The following ROR1 variants were observed in gnomAD, a reference collection of about 807,000 sequenced individuals.
ROR1 encodes the protein ROR family WNT receptor 1.
A neutral mutation model predicts 78.8 loss-of-function variants in ROR1; 19 were observed. That is an observed-to-expected ratio of 0.24 (90% CI 0.17 to 0.35). The LOEUF (loss-of-function observed/expected upper bound fraction) is 0.35, where lower values mean the gene tolerates loss of function less well. ROR1 is among the 10% of genes least tolerant of loss of function. The pLI is 1.00. For missense variants in ROR1, 917 were observed against 1,177.8 expected (o/e 0.78, Z 3.24); for synonymous variants, 386 against 433.6 (o/e 0.89, Z 1.36).
chr1:64,027,508 C>T (rs895461823), intron 2 of ROR1, among the ~76,000 whole-genome samples: 2 of 152,144 alleles, frequency 1.3e-5, no homozygotes, highest in African/African-American at 4.8e-5. Context: ...ACTTGCATCT[C>T]CCTTTTCTCA....
intron 6 of ROR1, 133 bp from the exon 7 acceptor site, chr1:64,142,272 C>A (rs1649340345): frequency 3.5e-6 from 5 of 1,412,898 alleles, no homozygotes; most frequent in Non-Finnish European, 4.7e-6. Context: ...TCCTGCATGG[C>A]CCCTGACCAG....
intron 4 of ROR1, among the ~76,000 whole-genome samples, chr1:64,055,720 A>T (rs948695243): frequency 6.6e-6 from 1 of 152,212 alleles, no homozygotes; most frequent in Non-Finnish European, 1.5e-5. Flanking sequence ...TTTTATTAAG[A>T]TACAGTTAAC....
Position 64,116,616 on chromosome 1 carries a change from G to C in ROR1, c.483-20753G>C, listed in dbSNP as rs1569796171. 2.6e-5 allele frequency among the ~76,000 whole-genome samples: 4 copies of C among 152,234 alleles called. No homozygotes were observed. In the South Asian group the frequency reaches 8.3e-4, roughly 32 times the overall value. ...TAACAAACATTCACAGATTGCCTCT[G>C]CTTGCTGGGAATTACATCCAGCAGC... is the stretch of plus-strand genomic sequence containing the variant. On this transcript the variant is annotated intron_variant, in intron 4 of 8. Transcript: ENST00000371079.
At chr1:63,919,900 G>A (rs892980921) in intron 1 of ROR1, among the ~76,000 whole-genome samples, 4 of 152,142 alleles carry the variant, frequency 2.6e-5, no homozygotes, top group African/African-American at 9.7e-5. Context: ...AGAAAATAAG[G>A]TGGTTCAACT....
rs146479238 is a variant in ROR1, at chr1:63,884,399, C to T, written c.91+109891C>T. The stretch of plus-strand genomic sequence containing the variant: ...AGTCTCTTCTCTCACTGGCCTGCCC[C>T]GGTGCCATGATCTGAGGATACCACA... On this transcript the variant is annotated intron_variant, in intron 1 of 8. Coordinates refer to ENST00000371079, the MANE Select transcript of ROR1 (RefSeq NM_005012.4). Among the ~76,000 whole-genome samples the T allele has an allele frequency of 4.1e-4, 63 of 152,226 alleles. No individual in the cohort carries two copies. The South Asian group carries it at 8.9e-3, about 22-fold the overall frequency.
At chr1:64,014,773 T>TACAC (rs1553151602) in intron 2 of ROR1, among the ~76,000 whole-genome samples, 3,643 of 45,864 alleles carry the variant, frequency 0.079, 762 homozygotes, top group Non-Finnish European at 0.12. Flanking sequence ...TATATATATA[T>TACAC]ACACATTTTG....
At chr1:64,090,209 A>C (rs1647184939) in intron 4 of ROR1, among the ~76,000 whole-genome samples, 1 of 152,222 alleles carries the variant, frequency 6.6e-6, no homozygotes, top group African/African-American at 2.4e-5. Flanking sequence ...CTCAATGTCC[A>C]GATCAATTGC....
At chr1:63,995,439 A>C (rs1335781415) in intron 1 of ROR1, among the ~76,000 whole-genome samples, 1 of 152,090 alleles carries the variant, frequency 6.6e-6, no homozygotes, top group Non-Finnish European at 1.5e-5. Context: ...GACTAAGATG[A>C]CTCTAATAGG....
intron 1 of ROR1, among the ~76,000 whole-genome samples, chr1:63,801,379 C>A (rs935662929): frequency 6.6e-5 from 10 of 152,232 alleles, no homozygotes; most frequent in African/African-American, 2.2e-4. Context: ...ACTGCAACTT[C>A]TGTCTCCTGG....
chr1:64,123,765 C>G (rs976849988), intron 4 of ROR1, among the ~76,000 whole-genome samples: 3 of 152,068 alleles, frequency 2.0e-5, no homozygotes, highest in African/African-American at 7.2e-5. Flanking sequence ...ATACTCTTCC[C>G]CATTGATGGT....
At chr1:64,154,584 G>T (rs1649720727) in intron 7 of ROR1, among the ~76,000 whole-genome samples, 1 of 151,736 alleles carries the variant, frequency 6.6e-6, no homozygotes, top group Non-Finnish European at 1.5e-5. Context: ...TAAGCTTCAG[G>T]GAAAGAAAGG....
chr1:63,840,428 C>T (rs1307970935), intron 1 of ROR1, among the ~76,000 whole-genome samples: 7 of 151,616 alleles, frequency 4.6e-5, no homozygotes, highest in Non-Finnish European at 7.4e-5. Context: ...TACAGGTACA[C>T]GCCACCACGC....
At chr1:64,130,803 G>A (rs536847646) in intron 4 of ROR1, among the ~76,000 whole-genome samples, 1 of 152,186 alleles carries the variant, frequency 6.6e-6, no homozygotes, top group Admixed American at 6.5e-5. Flanking sequence ...ATTTTATAAT[G>A]TAGCCCCATT....
At chr1:64,148,255 G>T (rs2100719170) in intron 7 of ROR1, among the ~76,000 whole-genome samples, 1 of 152,098 alleles carries the variant, frequency 6.6e-6, no homozygotes, top group East Asian at 1.9e-4. Flanking sequence ...GAGGTCACAT[G>T]GTTAATAAGA....
At chr1:64,039,875 T>G (rs541055786) in intron 2 of ROR1, among the ~76,000 whole-genome samples, 1 of 152,320 alleles carries the variant, frequency 6.6e-6, no homozygotes, top group Admixed American at 6.5e-5. Flanking sequence ...TTTCAAAGGT[T>G]TATAATTCAA....
intron 1 of ROR1, among the ~76,000 whole-genome samples, chr1:63,962,104 A>G (rs1476710243): frequency 6.6e-6 from 1 of 152,102 alleles, no homozygotes; most frequent in African/African-American, 2.4e-5. Context: ...TACTAAAAAT[A>G]CAAAAGTTAT....
intron 1 of ROR1, among the ~76,000 whole-genome samples, chr1:63,787,927 A>C (rs967145296): frequency 5.3e-5 from 8 of 152,196 alleles, no homozygotes; most frequent in Non-Finnish European, 8.8e-5. Context: ...CTTGGGATTT[A>C]GGGGCAGCCC....
chr1:63,854,963 CTG>C (rs1645139436), intron 1 of ROR1, among the ~76,000 whole-genome samples: 1 of 151,968 alleles, frequency 6.6e-6, no homozygotes, highest in Non-Finnish European at 1.5e-5. Context: ...AGTTGTTACA[CTG>C]TATTTTAAAA....
chr1:63,913,219 A>G (rs1160523439), intron 1 of ROR1, among the ~76,000 whole-genome samples: 2 of 152,162 alleles, frequency 1.3e-5, no homozygotes, highest in Non-Finnish European at 2.9e-5. Flanking sequence ...CAAAATATGG[A>G]TATATTAATG....
Sources: allele counts gnomAD v4.1 joint callset (sites outside exome capture counted in the v4.1 genomes callset), GRCh38; gene constraint gnomAD v4.1.1; transcripts MANE v1.5; gene names NCBI Gene and HGNC (gene_info 2026-07-23, HGNC 2026-07-21).